The following KALRN variants were observed in gnomAD, a reference collection of about 807,000 sequenced individuals.
KALRN encodes the protein kalirin.
Under a neutral mutation model 353.7 loss-of-function variants are expected in KALRN, and 70 were observed. That is an observed-to-expected ratio of 0.20 (90% CI 0.16 to 0.24). The LOEUF is 0.24. KALRN is among the 10% of genes least tolerant of loss of function. The pLI is 1.00. For synonymous variants in KALRN, 1,391 were observed against 1,434.8 expected (o/e 0.97, Z 0.69); for missense variants, 2,791 against 3,756.7 (o/e 0.74, Z 6.72).
intron 6 of KALRN, among the ~76,000 whole-genome samples, chr3:124,314,669 G>A (rs2078633477): frequency 6.6e-6 from 1 of 152,076 alleles, no homozygotes; most frequent in Non-Finnish European, 1.5e-5. Context: ...AGGTCACATG[G>A]CACGAGAGAA....
intron 1 of KALRN, among the ~76,000 whole-genome samples, chr3:124,161,194 G>A (rs148457138): frequency 1.3e-3 from 198 of 152,290 alleles, no homozygotes; most frequent in African/African-American, 4.6e-3. Context: ...AAAAAGTAAT[G>A]TACATACAGG....
At chr3:124,166,788 C>T (rs960780417) in intron 1 of KALRN, among the ~76,000 whole-genome samples, 1 of 152,102 alleles carries the variant, frequency 6.6e-6, no homozygotes, top group Non-Finnish European at 1.5e-5. Flanking sequence ...CCTGTAATCC[C>T]AGCACTTTGG....
intron 6 of KALRN, among the ~76,000 whole-genome samples, chr3:124,318,452 T>A (rs565084559): frequency 6.6e-6 from 1 of 152,220 alleles, no homozygotes; most frequent in Non-Finnish European, 1.5e-5. Flanking sequence ...CCAGTGTCCA[T>A]ATGTTTCGAG....
chr3:124,377,029 G>A (rs2086684377), intron 10 of KALRN, among the ~76,000 whole-genome samples: 1 of 152,204 alleles, frequency 6.6e-6, no homozygotes, highest in African/African-American at 2.4e-5. Context: ...AGAAGAGCTG[G>A]AGATTTTATA....
intron 34 of KALRN, among the ~76,000 whole-genome samples, chr3:124,597,693 G>T (rs1234563225): frequency 6.6e-6 from 1 of 152,042 alleles, no homozygotes; most frequent in Non-Finnish European, 1.5e-5. Context: ...ATTGAGATAT[G>T]CTGTATATGT....
chr3:124,554,220 G>A (rs939939185), intron 33 of KALRN, among the ~76,000 whole-genome samples: 3 of 152,226 alleles, frequency 2.0e-5, no homozygotes, highest in Non-Finnish European at 4.4e-5. Context: ...GCCAGGTTTG[G>A]TGGCATGCGC....
At chr3:124,042,259 C>A (rs750166524) in intron 1 of KALRN, among the ~76,000 whole-genome samples, 1 of 152,124 alleles carries the variant, frequency 6.6e-6, no homozygotes, top group Non-Finnish European at 1.5e-5. Context: ...GAGGTGGCAA[C>A]CAGGTTGATT....
At chr3:124,416,057 G>A (rs116215816) in intron 14 of KALRN, among the ~76,000 whole-genome samples, 6,065 of 152,258 alleles carry the variant, frequency 0.04, 408 homozygotes, top group African/African-American at 0.14. Flanking sequence ...ACTTACTGTA[G>A]CTGTCTATGC....
At position 124,491,361 on chromosome 3, in the gene KALRN, T is replaced by A. The variant is rs942398849; in HGVS notation, c.4626T>A (p.Asp1542Glu). 1 of 1,609,750 alleles carries A rather than the reference T, an allele frequency of 6.2e-7. No individual in the cohort carries two copies. Among genetic ancestry groups the A allele is most frequent in the African/African-American group, 1.3e-5 (1 of 74,690 alleles). Reference sequence around the variant, plus strand: ...GTGTGACCGAGCACGTGGAGGGCGATCCCTGCAAATTCGCCTTGTGGTCTG... The same window carrying A: ...GTGTGACCGAGCACGTGGAGGGCGAACCCTGCAAATTCGCCTTGTGGTCTG... ...ELGVTEHVEGDPCKFALWSGR... is the reference protein window; with the variant it reads ...ELGVTEHVEGEPCKFALWSGR... The change falls in exon 31 of 60, where the codon GAT becomes GAA. Residue 1542 changes from aspartate to glutamate, a missense_variant. Asp to Glu is a conservative substitution (Grantham distance 45). Transcript: ENST00000682506.
chr3:124,268,760 G>A lies in KALRN; in HGVS notation c.474G>A (p.Val158=), dbSNP rs2073850530. The change falls in exon 5 of 60, where the codon GTG becomes GTA. Residue 158 remains valine, a synonymous_variant. Transcript: ENST00000682506. ...KFIFETSMVS[V]EGLTKLVDPS... ...CCTTCCAGACGAGCATGGTATCTGT[G>A]GAGGGCCTCACAAAGCTGGTGGACC... 2.5e-6 allele frequency: 4 copies of A among 1,613,982 alleles called. No individual in the cohort carries two copies. Among genetic ancestry groups the A allele is most frequent in the Non-Finnish European group, 3.4e-6 (4 of 1,180,016 alleles).
intron 39 of KALRN, 55 bp from the exon 40 acceptor site, chr3:124,657,392 GC>G (rs1413949639): frequency 8.1e-7 from 1 of 1,230,428 alleles, no homozygotes; most frequent in East Asian, 2.3e-5. Context: ...GTGTGGCATG[GC>G]CCAGAAAGCT....
chr3:124,430,907 A>G, intron 16 of KALRN, 132 bp downstream of exon 16: 1 of 1,126,242 alleles, frequency 8.9e-7, no homozygotes, highest in East Asian at 2.7e-5. Context: ...TGGTCCAGGG[A>G]GCCTTCCTCT....
intron 1 of KALRN, among the ~76,000 whole-genome samples, chr3:124,215,412 C>T (rs771013238): frequency 1.3e-5 from 2 of 152,130 alleles, no homozygotes; most frequent in Non-Finnish European, 2.9e-5. Context: ...TGAGTTTACT[C>T]CGTTCACTTA....
At chr3:124,379,359 T>C (rs2087007386) in intron 10 of KALRN, among the ~76,000 whole-genome samples, 1 of 152,224 alleles carries the variant, frequency 6.6e-6, no homozygotes, top group African/African-American at 2.4e-5. Context: ...GATTGATTTT[T>C]CTCCTTCTCA....
chr3:124,667,804 A>AGT (rs1256987754), intron 47 of KALRN, among the ~76,000 whole-genome samples: 1 of 152,062 alleles, frequency 6.6e-6, no homozygotes, highest in Admixed American at 6.5e-5. Context: ...TGTGAACTGG[A>AGT]GTGAAGTAGA....
chr3:124,515,509 G>T (rs2066434522), intron 33 of KALRN, among the ~76,000 whole-genome samples: 1 of 152,160 alleles, frequency 6.6e-6, no homozygotes, highest in African/African-American at 2.4e-5. Flanking sequence ...GGAGTGATTG[G>T]CATAAAGAAA....
chr3:124,546,878 C>T (rs560887299), intron 33 of KALRN, among the ~76,000 whole-genome samples: 10 of 152,268 alleles, frequency 6.6e-5, no homozygotes, highest in Admixed American at 2.0e-4. Flanking sequence ...GCTGGGGATA[C>T]ATGTCTGTGG....
chr3:124,256,488 C>T (rs556747859), intron 3 of KALRN, among the ~76,000 whole-genome samples: 3 of 152,108 alleles, frequency 2.0e-5, no homozygotes, highest in Non-Finnish European at 4.4e-5. Flanking sequence ...TAAGCCTTCT[C>T]CAAAGACATA....
At chr3:124,147,850 A>G (rs566600486) in intron 1 of KALRN, among the ~76,000 whole-genome samples, 27 of 152,216 alleles carry the variant, frequency 1.8e-4, no homozygotes, top group Admixed American at 3.3e-4. Context: ...TGTTATTTAC[A>G]TGTCCTGTCT....
Sources: gnomAD v4.1 joint callset for allele counts (sites outside exome capture counted in the v4.1 genomes callset) on GRCh38, gnomAD v4.1.1 for gene constraint, MANE v1.5 for transcripts, NCBI Gene and HGNC (gene_info 2026-07-23, HGNC 2026-07-21) for gene names.